ADAMTS17: variants seen among roughly 807,000 people sequenced by gnomAD.
The protein encoded by ADAMTS17 is ADAM metallopeptidase with thrombospondin type 1 motif 17.
In ADAMTS17, 113 loss-of-function variants were observed where a neutral mutation model predicts 141.5. That is an observed-to-expected ratio of 0.80 (90% CI 0.69 to 0.93). The LOEUF is 0.93. Ranked by LOEUF, ADAMTS17 falls within the 40% of genes least tolerant of loss-of-function variation. ADAMTS17 has a pLI of 0.00. For synonymous variants in ADAMTS17, 768 were observed against 630.6 expected, an observed-to-expected ratio of 1.22 and a Z score of -3.27; for missense variants, 1,659 against 1,517.9, an observed-to-expected ratio of 1.09 and a Z score of -1.54.
intron 18 of ADAMTS17, among the ~76,000 whole-genome samples, chr15:100,003,696 T>A (rs2060976092): frequency 6.6e-6 from 1 of 152,056 alleles, no homozygotes; most frequent in Non-Finnish European, 1.5e-5. Flanking sequence ...ATTATTTAGT[T>A]GTCAAAAAGG....
At chr15:100,256,499 C>T (rs926790327) in intron 6 of ADAMTS17, 2 of 152,254 alleles carry the variant, frequency 1.3e-5, no homozygotes, top group African/African-American at 2.4e-5. Context: ...ACCCAGCAGC[C>T]ATGGCCTCAC....
intron 2 of ADAMTS17, chr15:100,338,970 G>C: frequency 2.0e-6 from 2 of 985,520 alleles, no homozygotes; most frequent in African/African-American, 1.7e-5. Flanking sequence ...TCACCCCACT[G>C]TCTCTTCCCT....
chr15:100,260,665 T>C (rs190814374), intron 6 of ADAMTS17, among the ~76,000 whole-genome samples: 1 of 152,168 alleles, frequency 6.6e-6, no homozygotes, highest in East Asian at 1.9e-4. Flanking sequence ...AAAAACCTTT[T>C]TGTGGAGAAA....
chr15:100,278,219 ATGG>A (rs765971601), intron 4 of ADAMTS17, among the ~76,000 whole-genome samples: 8 of 151,680 alleles, frequency 5.3e-5, no homozygotes, highest in Non-Finnish European at 1.2e-4. Flanking sequence ...CTGGAGGTGG[ATGG>A]TGGTGGTGGT....
At chr15:100,246,867 T>TTTTTTTTATTTATTTATTTA (rs143250819) in intron 7 of ADAMTS17, among the ~76,000 whole-genome samples, 5 of 146,514 alleles carry the variant, frequency 3.4e-5, no homozygotes, top group African/African-American at 1.3e-4. Context: ...GCCCTTTTAT[T>TTTTTTTTATTTATTTATTTA]TTTATTTATT....
intron 4 of ADAMTS17, 26 bp downstream of exon 4, chr15:100,281,203 C>A (rs1172240200): frequency 6.2e-7 from 1 of 1,600,804 alleles, no homozygotes; most frequent in African/African-American, 1.3e-5. Flanking sequence ...GAGCCCCCCA[C>A]ATCAGGACCC....
chr15:100,061,123 T>A (rs1268622097), intron 15 of ADAMTS17, among the ~76,000 whole-genome samples: 2 of 152,130 alleles, frequency 1.3e-5, no homozygotes, highest in Non-Finnish European at 2.9e-5. Context: ...GGGATGCAGG[T>A]TTGTTCCGAA....
rs373163330 is a variant in ADAMTS17, at chr15:100,229,175, G to A, written c.1075+24961C>T. Among the ~76,000 whole-genome samples, 105 of 152,256 alleles carry A rather than the reference G, an allele frequency of 6.9e-4. No homozygotes were observed. The South Asian group carries it at 0.021, about 30-fold the overall frequency. The stretch of plus-strand genomic sequence containing the variant: ...GCTCACCACTGACACTGCAGGTGCT[G>A]AGGAGCCAGCACAGCTTTAAGTCCT... On this transcript the variant is annotated intron_variant, in intron 7 of 21. Coordinates refer to ENST00000268070, the MANE Select transcript of ADAMTS17 (RefSeq NM_139057.4).
chr15:100,066,532 T>C (rs2033542952), intron 15 of ADAMTS17, among the ~76,000 whole-genome samples: 1 of 152,238 alleles, frequency 6.6e-6, no homozygotes, highest in Non-Finnish European at 1.5e-5. Flanking sequence ...TCCTTTAGTG[T>C]AGGTCTCTTG....
In ADAMTS17 at chr15:99,974,285, T is replaced by C; in HGVS notation, c.*117A>G. The C allele has an allele frequency of 7.5e-7, 1 of 1,329,824 alleles. No homozygotes were observed. The highest frequency in any genetic ancestry group is 1.1e-6 in the Non-Finnish European group (1 of 932,774). The allele number at this position is 1,329,824 out of a possible 1,614,324, so 82.4% of individuals were successfully genotyped here. A position where few individuals can be genotyped will look rare whatever the true frequency, so the allele number is the denominator to read the frequency against. On this transcript the variant is annotated 3_prime_UTR_variant, in exon 22 of 22. Coordinates refer to ENST00000268070, the MANE Select transcript of ADAMTS17 (RefSeq NM_139057.4). ...AAACGCCAAGTCCACGCTCATGTTC[T>C]ATGTAGTTGGATTCTTGTGGCAGCC...
intron 2 of ADAMTS17, among the ~76,000 whole-genome samples, chr15:100,334,545 C>CT (rs891122829): frequency 3.3e-5 from 5 of 152,284 alleles, no homozygotes; most frequent in African/African-American, 1.2e-4. Context: ...CGTCCTGCCT[C>CT]TGACTCTCCG....
chr15:100,281,628 C>T (rs1596441926), intron 3 of ADAMTS17, among the ~76,000 whole-genome samples: 1 of 152,280 alleles, frequency 6.6e-6, no homozygotes, highest in African/African-American at 2.4e-5. Context: ...AGATGAGGGG[C>T]CCACACCCAA....
chr15:99,974,545 AT>A lies in ADAMTS17; in HGVS notation c.3144del (p.Lys1048AsnfsTer63). On this transcript the variant is annotated frameshift_variant, in exon 22 of 22. Coordinates refer to ENST00000268070, the MANE Select transcript of ADAMTS17 (RefSeq NM_139057.4). LOFTEE classifies it high-confidence loss of function. ...TSPRLAALTY[K>X]CTRDQWTVYC... ...TATACCGTCCACTGGTCTCGTGTGC[AT>A]TTGTAGGTCAGAGCAGCTAAGGGGA... The A allele has an allele frequency of 6.2e-7, 1 of 1,614,222 alleles. No individual in the cohort carries two copies. Among genetic ancestry groups the A allele is most frequent in the Non-Finnish European group, 8.5e-7 (1 of 1,180,034 alleles).
intron 15 of ADAMTS17, among the ~76,000 whole-genome samples, chr15:100,057,185 T>A (rs2032651031): frequency 6.6e-6 from 1 of 151,816 alleles, no homozygotes; most frequent in East Asian, 1.9e-4. Context: ...GAAGGTAAAG[T>A]TTTTTCCACT....
chr15:100,078,080 G>A (rs1288996525), intron 15 of ADAMTS17, among the ~76,000 whole-genome samples: 1 of 152,092 alleles, frequency 6.6e-6, no homozygotes, highest in Non-Finnish European at 1.5e-5. Flanking sequence ...ACAATACATT[G>A]CTGAAAGGTA....
chr15:100,229,473 T>C (rs938914684), intron 7 of ADAMTS17, among the ~76,000 whole-genome samples: 5 of 152,230 alleles, frequency 3.3e-5, no homozygotes, highest in Non-Finnish European at 5.9e-5. Flanking sequence ...TTCTGTTCTA[T>C]GACGCACAGT....
chr15:100,302,885 A>G (rs2045090961), intron 3 of ADAMTS17, among the ~76,000 whole-genome samples: 1 of 152,122 alleles, frequency 6.6e-6, no homozygotes, highest in Admixed American at 6.5e-5. Flanking sequence ...AGGTTAGGAT[A>G]CAAAGCAGGC....
intron 15 of ADAMTS17, among the ~76,000 whole-genome samples, chr15:100,086,984 C>T (rs1410016096): frequency 6.6e-6 from 1 of 152,064 alleles, no homozygotes; most frequent in Non-Finnish European, 1.5e-5. Flanking sequence ...CAAGAAATAA[C>T]TAAGATCAGA....
chr15:100,116,132 T>TAAAAAAAA (rs34003703), intron 13 of ADAMTS17, among the ~76,000 whole-genome samples: 28 of 84,780 alleles, frequency 3.3e-4, no homozygotes, highest in African/African-American at 1.0e-3. Flanking sequence ...CAGTTTTAGG[T>TAAAAAAAA]AAAAAAAAAA....
Sources: gnomAD v4.1 joint callset for allele counts (sites outside exome capture counted in the v4.1 genomes callset) on GRCh38, gnomAD v4.1.1 for gene constraint, MANE v1.5 for transcripts, NCBI Gene and HGNC (gene_info 2026-07-23, HGNC 2026-07-21) for gene names.